Variants in EFCAB13 observed in about 807,000 individuals in gnomAD.
EFCAB13 encodes EF-hand calcium-binding domain-containing protein 13.
EFCAB13 carries 91 observed loss-of-function variants against 110.2 expected under a neutral mutation model. That is an observed-to-expected ratio of 0.83 (90% CI 0.70 to 0.98). The LOEUF (loss-of-function observed/expected upper bound fraction) is 0.98. Ranked by LOEUF, EFCAB13 falls within the 50% of genes least tolerant of loss-of-function variation. The pLI is 0.00. For synonymous variants in EFCAB13, 323 were observed against 369.9 expected (o/e 0.87, Z 1.45); for missense variants, 968 against 1,119.4 (o/e 0.86, Z 1.93).
chr17:47,356,427 T>C (rs981130136), intron 9 of EFCAB13, among the ~76,000 whole-genome samples: 3 of 152,154 alleles, frequency 2.0e-5, no homozygotes, highest in Non-Finnish European at 4.4e-5. Context: ...AGGGGCTTCC[T>C]GAGACATAGG....
intron 23 of EFCAB13, among the ~76,000 whole-genome samples, chr17:47,420,867 G>A (rs529457219): frequency 7.3e-6 from 1 of 136,874 alleles, no homozygotes; most frequent in Non-Finnish European, 1.6e-5. Context: ...GAGGTGGGGG[G>A]GTCAGCCCCC....
chr17:47,361,996 T>C (rs2065516382), intron 10 of EFCAB13, among the ~76,000 whole-genome samples: 1 of 152,188 alleles, frequency 6.6e-6, no homozygotes, highest in African/African-American at 2.4e-5. Flanking sequence ...TTGTATTACA[T>C]GTTTACTTGT....
intron 24 of EFCAB13, among the ~76,000 whole-genome samples, chr17:47,430,916 G>A (rs1905103743): frequency 6.6e-6 from 1 of 151,678 alleles, no homozygotes; most frequent in Admixed American, 6.6e-5. Flanking sequence ...CTTGATCTTA[G>A]CCAAAAGGCT....
intron 23 of EFCAB13, among the ~76,000 whole-genome samples, chr17:47,429,105 A>G (rs1326484117): frequency 6.6e-6 from 1 of 152,184 alleles, no homozygotes; most frequent in African/African-American, 2.4e-5. Flanking sequence ...TATTTTATTT[A>G]TACAATATTC....
intron 23 of EFCAB13, among the ~76,000 whole-genome samples, chr17:47,417,720 C>G (rs765369375): frequency 1.3e-5 from 2 of 152,148 alleles, no homozygotes; most frequent in African/African-American, 2.4e-5. Flanking sequence ...CTTTCATGAT[C>G]TCCTTGTTTA....
intron 23 of EFCAB13, among the ~76,000 whole-genome samples, chr17:47,429,016 G>A (rs1414919947): frequency 6.6e-6 from 1 of 152,068 alleles, no homozygotes; most frequent in Admixed American, 6.6e-5. Flanking sequence ...ATGGAAGATA[G>A]TATTATTGTT....
intron 10 of EFCAB13, among the ~76,000 whole-genome samples, chr17:47,367,384 C>T (rs189915606): frequency 2.4e-4 from 36 of 152,266 alleles, no homozygotes; most frequent in Non-Finnish European, 3.8e-4. Context: ...CTTCTCGTGG[C>T]GGCAAGAGGG....
At chr17:47,331,638 G>C (rs542787323) in intron 4 of EFCAB13, among the ~76,000 whole-genome samples, 1 of 151,994 alleles carries the variant, frequency 6.6e-6, no homozygotes, top group East Asian at 1.9e-4. Flanking sequence ...ACATTCTATG[G>C]GTTTGAACAA....
intron 4 of EFCAB13, among the ~76,000 whole-genome samples, chr17:47,330,828 T>C (rs1249399893): frequency 3.9e-5 from 6 of 152,032 alleles, no homozygotes; most frequent in Non-Finnish European, 8.8e-5. Flanking sequence ...AGTAGTGGGT[T>C]TGCTGGATTG....
intron 12 of EFCAB13, 108 bp downstream of exon 12, chr17:47,375,074 C>A (rs1195806167): frequency 2.5e-6 from 3 of 1,197,848 alleles, no homozygotes. Flanking sequence ...CCCTGGGTAA[C>A]CACCACTTCT....
At position 47,431,048 on chromosome 17, in the gene EFCAB13, A is replaced by C. The variant is rs1232524567; in HGVS notation, c.2638+1087A>C. ...ATTTTGATACAAGTATTCAATATAT[A>C]ATGATCAAATCAGGATAGTTGGGTT... On this transcript the variant is annotated intron_variant, in intron 24 of 24. Transcript: ENST00000331493. The surrounding 1 kb of genome is among the most constrained non-coding windows in gnomAD (Gnocchi z 4.1). Among the ~76,000 whole-genome samples, 1 of 152,114 alleles carries C rather than the reference A, an allele frequency of 6.6e-6. No individual in the cohort carries two copies. The highest frequency in any genetic ancestry group is 1.5e-5 in the Non-Finnish European group (1 of 67,980).
chr17:47,351,304 T>TGTGTGTGTGTGTGTGTGTGTGTGTGC (rs1280645583), intron 9 of EFCAB13, among the ~76,000 whole-genome samples: 1 of 122,980 alleles, frequency 8.1e-6, no homozygotes, highest in Non-Finnish European at 1.9e-5. Context: ...TGTGTGTGTG[T>TGTGTGTGTGTGTGTGTGTGTGTGTGC]GCGCGCGCGC....
At chr17:47,420,555 C>T (rs368367099) in intron 23 of EFCAB13, among the ~76,000 whole-genome samples, 12,555 of 150,948 alleles carry the variant, frequency 0.083, 409 homozygotes, top group East Asian at 0.31. Context: ...CGTCTCTGCC[C>T]GGCCGCCCAT....
At chr17:47,415,294 G>A (rs1306154121) in intron 23 of EFCAB13, among the ~76,000 whole-genome samples, 2 of 152,042 alleles carry the variant, frequency 1.3e-5, no homozygotes, top group South Asian at 2.1e-4. Flanking sequence ...GCTAAATGAC[G>A]AGTTAATGGG....
intron 12 of EFCAB13, among the ~76,000 whole-genome samples, chr17:47,375,503 C>T (rs1211146414): frequency 1.3e-5 from 2 of 151,810 alleles, no homozygotes; most frequent in African/African-American, 2.4e-5. Flanking sequence ...ATAATGTTCC[C>T]AAGGCTGGTC....
chr17:47,388,487 G>A (rs1031474415), intron 14 of EFCAB13, among the ~76,000 whole-genome samples: 4 of 152,178 alleles, frequency 2.6e-5, no homozygotes, highest in Non-Finnish European at 5.9e-5. Context: ...TTGGTTTTCA[G>A]TAGGGGAGAA....
At chr17:47,406,895 A>G (rs1408467534) in intron 20 of EFCAB13, among the ~76,000 whole-genome samples, 1 of 152,228 alleles carries the variant, frequency 6.6e-6, no homozygotes, top group Non-Finnish European at 1.5e-5. Context: ...ACTTCTTACC[A>G]ATGACAAATG....
intron 18 of EFCAB13, among the ~76,000 whole-genome samples, chr17:47,402,425 C>T (rs1259065546): frequency 6.6e-6 from 1 of 152,188 alleles, no homozygotes; most frequent in African/African-American, 2.4e-5. Context: ...AGCTGGTTTA[C>T]TCTGTCTAGA....
intron 4 of EFCAB13, chr17:47,328,748 C>A: frequency 5.6e-6 from 1 of 177,642 alleles, no homozygotes; most frequent in Non-Finnish European, 1.2e-5. Context: ...TTTCTTTAGC[C>A]CTCTTATCTG....
Sources: allele counts gnomAD v4.1 joint callset (sites outside exome capture counted in the v4.1 genomes callset), GRCh38; gene constraint gnomAD v4.1.1; non-coding constraint Gnocchi (gnomAD v3.1); transcripts MANE v1.5; gene names NCBI Gene and HGNC (gene_info 2026-07-23, HGNC 2026-07-21).